USP49: variants seen among roughly 807,000 people sequenced by gnomAD.
The protein encoded by USP49 is ubiquitin specific peptidase 49, also known as ubiquitin carboxyl-terminal hydrolase 49.
Under a neutral mutation model 58.6 loss-of-function variants are expected in USP49, and 24 were observed. That is an observed-to-expected ratio of 0.41 (90% confidence interval 0.30 to 0.58). The LOEUF (loss-of-function observed/expected upper bound fraction) is 0.58, where lower values mean the gene tolerates loss of function less well. Ranked by LOEUF, USP49 falls within the 20% of genes least tolerant of loss-of-function variation. USP49 has a pLI of 0.30. For synonymous variants in USP49, 408 were observed against 365.1 expected (o/e 1.12, Z -1.34); for missense variants, 703 against 866.1 (o/e 0.81, Z 2.36).
chr6:41,828,645 G>A (rs1004450956), intron 3 of USP49, among the ~76,000 whole-genome samples: 3 of 152,166 alleles, frequency 2.0e-5, no homozygotes, highest in Non-Finnish European at 4.4e-5. Flanking sequence ...AGTCAGATGT[G>A]TTGTAAATAT....
At chr6:41,817,167 T>TTTTTTTTTTTTTTTTTTTTTA (rs60908132) in intron 3 of USP49, among the ~76,000 whole-genome samples, 1 of 135,538 alleles carries the variant, frequency 7.4e-6, no homozygotes, top group African/African-American at 3.0e-5. Flanking sequence ...TTTTTTTTTT[T>TTTTTTTTTTTTTTTTTTTTTA]GAGACAGAGT....
intron 1 of USP49, among the ~76,000 whole-genome samples, chr6:41,893,545 TC>T (rs1774843471): frequency 1.3e-5 from 2 of 152,076 alleles, no homozygotes; most frequent in South Asian, 4.1e-4. Flanking sequence ...GGTGCAACAC[TC>T]CTACAACACT....
At chr6:41,853,186 CA>C (rs998297000) in intron 3 of USP49, among the ~76,000 whole-genome samples, 1 of 149,958 alleles carries the variant, frequency 6.7e-6, no homozygotes, top group Non-Finnish European at 1.5e-5. Context: ...AACTCCATCT[CA>C]AAAAAAAAGA....
chr6:41,807,018 C>G lies in USP49; in HGVS notation c.-28-7G>C, dbSNP rs963982371. 7.4e-7 allele frequency: 1 copy of G among 1,352,200 alleles called. No individual in the cohort carries two copies. The highest frequency in any genetic ancestry group is 1.5e-5 in the African/African-American group (1 of 66,114). The allele number at this position is 1,352,200 out of a possible 1,614,324, so 83.8% of individuals were successfully genotyped here. On this transcript the variant is annotated splice_region_variant and splice_polypyrimidine_tract_variant and intron_variant, in intron 3 of 7. Transcript: ENST00000682992. ...AAGTCGCCACTTTCTCAACCTGGCA[C>G]GACAGAGTCCCCAAAAAAGAAAAAG...
chr6:41,882,293 T>G (rs1774622411), intron 2 of USP49, among the ~76,000 whole-genome samples: 1 of 152,098 alleles, frequency 6.6e-6, no homozygotes, highest in Non-Finnish European at 1.5e-5. Context: ...TTAAGAAACT[T>G]CGAGATAAAT....
At chr6:41,834,155 T>C (rs1773685498) in intron 3 of USP49, among the ~76,000 whole-genome samples, 1 of 152,180 alleles carries the variant, frequency 6.6e-6, no homozygotes, top group Non-Finnish European at 1.5e-5. Flanking sequence ...CATTCTTGGG[T>C]CTCTGATGTC....
rs147060597 is a variant in USP49 at position 41,820,413 on chromosome 6, T to C, written c.-28-13402A>G. Among the ~76,000 whole-genome samples, 839 of 152,256 alleles carry C rather than the reference T, an allele frequency of 5.5e-3. 8 individuals are homozygous for C. The highest frequency in any genetic ancestry group is 0.017 in the African/African-American group (723 of 41,556). ...AGTCCACAACTAGAGAAACTGAACA[T>C]GGACTAAGTATTAAATGACACCAAG... On this transcript the variant is annotated intron_variant, in intron 3 of 7. Transcript: ENST00000682992.
chr6:41,894,913 C>T (rs1774870706), intron 1 of USP49, among the ~76,000 whole-genome samples: 1 of 151,916 alleles, frequency 6.6e-6, no homozygotes, highest in Non-Finnish European at 1.5e-5. Flanking sequence ...TTCCCCTCAT[C>T]GCCTCCAAGC....
intron 3 of USP49, among the ~76,000 whole-genome samples, chr6:41,848,633 C>T (rs569187059): frequency 4.6e-5 from 7 of 151,978 alleles, no homozygotes; most frequent in Admixed American, 2.0e-4. Context: ...CCAAGGCACA[C>T]GGATCATAAG....
At chr6:41,830,053 TTAATACAA>T (rs1561911483) in intron 3 of USP49, among the ~76,000 whole-genome samples, 1 of 152,220 alleles carries the variant, frequency 6.6e-6, no homozygotes. Context: ...GTTTTGTTTT[TTAATACAA>T]TAATACATTC....
At position 41,806,319 on chromosome 6, in the gene USP49, G is replaced by C; in HGVS notation, c.665C>G (p.Ala222Gly). 1.9e-6 allele frequency: 3 copies of C among 1,553,784 alleles called. No homozygotes were observed. The highest frequency in any genetic ancestry group is 2.6e-6 in the Non-Finnish European group (3 of 1,158,774). ...AGGGAGGGCGGCGGGGCGCGAGGCAGCCGGGCCCGCGTCGCGGGGCGTGTG... is the reference window on the plus strand; with the variant it reads ...AGGGAGGGCGGCGGGGCGCGAGGCACCCGGGCCCGCGTCGCGGGGCGTGTG... The part of the protein sequence containing the change: ...LLHTPRDAGP[A>G]ASRPAALPTS... Residue 222 changes from alanine (A) to glycine (G), a missense_variant, in exon 4 of 8, where the codon GCT becomes GGT. Around this residue, in one of 6 missense-constraint regions of USP49, gnomAD observed 376 missense variants for 373.5 expected, o/e 1.01. Coordinates refer to ENST00000682992, the MANE Select transcript of USP49 (RefSeq NM_001286554.2). The surrounding 1 kb of genome is among the most constrained non-coding windows in gnomAD (Gnocchi z 5.9).
chr6:41,877,426 C>CT (rs1774521026), intron 2 of USP49, among the ~76,000 whole-genome samples: 1 of 152,158 alleles, frequency 6.6e-6, no homozygotes, highest in African/African-American at 2.4e-5. Context: ...CATGGAATGG[C>CT]AATCTAGACT....
intron 3 of USP49, among the ~76,000 whole-genome samples, chr6:41,844,025 C>T (rs572792934): frequency 2.0e-5 from 3 of 152,106 alleles, no homozygotes; most frequent in South Asian, 2.1e-4. Flanking sequence ...GCCTGGGCAA[C>T]AAGAGCGAAA....
At chr6:41,798,575 C>A in intron 7 of USP49, 149 bp downstream of exon 7, 1 of 1,559,184 alleles carries the variant, frequency 6.4e-7, no homozygotes, top group Non-Finnish European at 8.7e-7. Flanking sequence ...GGCGCCCAAC[C>A]CAATTTTCAC....
chr6:41,866,316 G>A (rs1179837866), intron 3 of USP49, among the ~76,000 whole-genome samples: 1 of 152,082 alleles, frequency 6.6e-6, no homozygotes, highest in African/African-American at 2.4e-5. Context: ...TATCAACTCT[G>A]AGATTCCCCT....
At chr6:41,888,646 T>C (rs1273882079) in intron 2 of USP49, among the ~76,000 whole-genome samples, 2 of 151,464 alleles carry the variant, frequency 1.3e-5, no homozygotes, top group Admixed American at 6.6e-5. Context: ...AGAGACGGGG[T>C]TTCTCCATGC....
intron 3 of USP49, among the ~76,000 whole-genome samples, chr6:41,845,963 G>T (rs563921888): frequency 5.9e-5 from 9 of 152,242 alleles, no homozygotes; most frequent in Non-Finnish European, 1.0e-4. Flanking sequence ...CAAAAGGTAA[G>T]TTATTTCAGG....
At chr6:41,874,780 C>G (rs1223534938) in intron 2 of USP49, among the ~76,000 whole-genome samples, 3 of 152,126 alleles carry the variant, frequency 2.0e-5, no homozygotes, top group African/African-American at 7.2e-5. Context: ...CTAGGCAACA[C>G]AGGGAGACCC....
chr6:41,882,520 G>A (rs1774627794), intron 2 of USP49, among the ~76,000 whole-genome samples: 1 of 152,200 alleles, frequency 6.6e-6, no homozygotes, highest in Non-Finnish European at 1.5e-5. Context: ...AATTTAGGGA[G>A]ACAATCTGGA....
Sources: gnomAD v4.1 joint callset for allele counts (sites outside exome capture counted in the v4.1 genomes callset) on GRCh38, gnomAD v4.1.1 for gene constraint, gnomAD v4.1.1 regional missense constraint, Gnocchi (gnomAD v3.1) non-coding constraint, MANE v1.5 for transcripts, NCBI Gene and HGNC (gene_info 2026-07-23, HGNC 2026-07-21) for gene names.